SUSD1: variants seen among roughly 807,000 people sequenced by gnomAD.
SUSD1 encodes the protein sushi domain containing 1.
In SUSD1, 65 loss-of-function variants were observed where a neutral mutation model predicts 86.9. The ratio of observed to expected loss-of-function variants is 0.75; its 90% CI spans 0.61 to 0.92. The LOEUF (loss-of-function observed/expected upper bound fraction) is 0.92, where lower values mean the gene tolerates loss of function less well. Ranked by LOEUF, SUSD1 falls within the 40% of genes least tolerant of loss-of-function variation. SUSD1 has a pLI of 0.00. For synonymous variants in SUSD1, 346 were observed against 350.0 expected (o/e 0.99, Z 0.13); for missense variants, 850 against 929.7 (o/e 0.91, Z 1.11).
chr9:112,144,343 A>C (rs1294914871), intron 3 of SUSD1, among the ~76,000 whole-genome samples: 1 of 152,220 alleles, frequency 6.6e-6, no homozygotes, highest in Admixed American at 6.5e-5. Flanking sequence ...AGTCACTAAA[A>C]TATATCCAGT....
chr9:112,125,194 G>A (rs759562124), intron 5 of SUSD1, among the ~76,000 whole-genome samples: 37 of 152,078 alleles, frequency 2.4e-4, no homozygotes, highest in Non-Finnish European at 2.1e-4. Context: ...AGTGTGCAGG[G>A]CAGACAGGTT....
intron 6 of SUSD1, among the ~76,000 whole-genome samples, chr9:112,120,793 C>A (rs1176225124): frequency 6.6e-6 from 1 of 152,152 alleles, no homozygotes; most frequent in Non-Finnish European, 1.5e-5. Flanking sequence ...CCATGCAGAT[C>A]CACTGGTTTT....
At chr9:112,152,709 C>T (rs1589733584) in intron 2 of SUSD1, among the ~76,000 whole-genome samples, 1 of 150,002 alleles carries the variant, frequency 6.7e-6, no homozygotes, top group African/African-American at 2.4e-5. Flanking sequence ...GCCACCACAT[C>T]CAGCCTTTTA....
intron 13 of SUSD1, among the ~76,000 whole-genome samples, chr9:112,062,655 A>T (rs1266818156): frequency 6.6e-6 from 1 of 152,194 alleles, no homozygotes; most frequent in African/African-American, 2.4e-5. Context: ...AGATCGCAAC[A>T]CTGTACTCCG....
At chr9:112,154,182 T>G (rs919270127) in intron 2 of SUSD1, among the ~76,000 whole-genome samples, 3 of 151,982 alleles carry the variant, frequency 2.0e-5, no homozygotes, top group African/African-American at 7.3e-5. Flanking sequence ...TGGAACATGA[T>G]TCACCATATT....
chr9:112,103,246 C>A, intron 8 of SUSD1: 1 of 373,136 alleles, frequency 2.7e-6, no homozygotes, highest in Non-Finnish European at 5.3e-6. Flanking sequence ...ACATATTCAG[C>A]ACAAGGCAGC....
chr9:112,154,166 T>C (rs976289346), intron 2 of SUSD1, among the ~76,000 whole-genome samples: 1 of 152,066 alleles, frequency 6.6e-6, no homozygotes, highest in Non-Finnish European at 1.5e-5. Context: ...AAAATGTAAT[T>C]GGCTTTGGAA....
intron 8 of SUSD1, chr9:112,103,081 A>G (rs924591551): frequency 2.4e-6 from 1 of 415,476 alleles, no homozygotes; most frequent in African/African-American, 2.1e-5. Flanking sequence ...TTTTCTACCA[A>G]TGAGAAAGGT....
intron 8 of SUSD1, among the ~76,000 whole-genome samples, chr9:112,107,915 T>G (rs1830920724): frequency 6.6e-6 from 1 of 152,214 alleles, no homozygotes; most frequent in Non-Finnish European, 1.5e-5. Flanking sequence ...TAAAGTTGAC[T>G]TAATAACAGA....
chr9:112,096,180 C>T (rs1490286424), intron 10 of SUSD1, among the ~76,000 whole-genome samples: 1 of 152,198 alleles, frequency 6.6e-6, no homozygotes, highest in East Asian at 1.9e-4. Context: ...AAGGTAACAA[C>T]AGGCTTCTTT....
At chr9:112,095,850 ACT>A (rs1444067399) in intron 10 of SUSD1, among the ~76,000 whole-genome samples, 1 of 152,024 alleles carries the variant, frequency 6.6e-6, no homozygotes, top group Non-Finnish European at 1.5e-5. Context: ...AAGAAGGGAG[ACT>A]CTTTCACTAA....
At chr9:112,150,068 C>T (rs144540914) in intron 2 of SUSD1, among the ~76,000 whole-genome samples, 132 of 152,362 alleles carry the variant, frequency 8.7e-4, no homozygotes, top group African/African-American at 3.0e-3. Context: ...ATCTCCCTCT[C>T]ATCTCTGCCC....
At chr9:112,146,095 G>C (rs1468160787) in intron 3 of SUSD1, 1 of 152,220 alleles carries the variant, frequency 6.6e-6, no homozygotes, top group Non-Finnish European at 1.5e-5. Context: ...GGCAAACAGT[G>C]ACTAACTGCT....
At chr9:112,122,569 C>T (rs9409117) in intron 6 of SUSD1, among the ~76,000 whole-genome samples, 20,929 of 152,150 alleles carry the variant, frequency 0.14, 1,799 homozygotes, top group East Asian at 0.23. Flanking sequence ...ACAGAGATTA[C>T]AGGTATGAGC....
intron 13 of SUSD1, among the ~76,000 whole-genome samples, chr9:112,059,087 C>A (rs1474525044): frequency 6.6e-6 from 1 of 152,198 alleles, no homozygotes; most frequent in East Asian, 1.9e-4. Flanking sequence ...CCACTGCGCC[C>A]AGCTGAAATA....
chr9:112,138,257 G>GTATA (rs1564328952), intron 5 of SUSD1, among the ~76,000 whole-genome samples: 7 of 25,628 alleles, frequency 2.7e-4, no homozygotes, highest in African/African-American at 1.7e-3. Flanking sequence ...ATATATATAT[G>GTATA]TGTATATACA....
chr9:112,116,620 A>G (rs529658027), intron 6 of SUSD1, among the ~76,000 whole-genome samples: 28 of 152,304 alleles, frequency 1.8e-4, no homozygotes, highest in Middle Eastern at 3.4e-3. Flanking sequence ...CTATGTAGGG[A>G]AAAAGTACTC....
At chr9:112,129,664 T>C (rs1034852184) in intron 5 of SUSD1, among the ~76,000 whole-genome samples, 5 of 152,218 alleles carry the variant, frequency 3.3e-5, no homozygotes, top group African/African-American at 1.2e-4. Context: ...ATGACCTTTA[T>C]TTCCTGCCTT....
intron 12 of SUSD1, among the ~76,000 whole-genome samples, chr9:112,069,531 G>A (rs1829158223): frequency 6.6e-6 from 1 of 152,098 alleles, no homozygotes; most frequent in South Asian, 2.1e-4. Flanking sequence ...AGATCGAACT[G>A]CCCTCAGGCC....
Sources: allele counts gnomAD v4.1 joint callset (sites outside exome capture counted in the v4.1 genomes callset), GRCh38; gene constraint gnomAD v4.1.1; transcripts MANE v1.5; gene names NCBI Gene and HGNC (gene_info 2026-07-23, HGNC 2026-07-21).